EEA1: variants seen among roughly 807,000 people sequenced by gnomAD.
EEA1 encodes early endosome antigen 1.
In EEA1, 111 loss-of-function variants were observed where a neutral mutation model predicts 209.2. That is an observed-to-expected ratio of 0.53 (90% CI 0.45 to 0.62). The LOEUF is 0.62. Among genes scored for constraint, EEA1 ranks in the 20% least tolerant of loss-of-function variants. The pLI, the probability that EEA1 is intolerant of heterozygous loss-of-function variation, is 0.00. For synonymous variants in EEA1, 536 were observed against 540.6 expected, an observed-to-expected ratio of 0.99 and a Z score of 0.12; for missense variants, 1,343 against 1,530.8, an observed-to-expected ratio of 0.88 and a Z score of 2.05.
At chr12:92,853,097 A>C (rs1211669692) in intron 6 of EEA1, 72 bp from the exon 7 acceptor site, 2 of 999,936 alleles carry the variant, frequency 2.0e-6, no homozygotes, top group Non-Finnish European at 3.0e-6. Context: ...ACTTATATTT[A>C]TTACAGTTGT....
At chr12:92,818,739 T>C (rs1875912337) in intron 14 of EEA1, among the ~76,000 whole-genome samples, 1 of 152,192 alleles carries the variant, frequency 6.6e-6, no homozygotes, top group South Asian at 2.1e-4. Context: ...CAACTGTAAA[T>C]TCTTTTTTGT....
intron 1 of EEA1, among the ~76,000 whole-genome samples, chr12:92,924,918 C>A (rs12304532): frequency 1.3e-3 from 194 of 145,930 alleles, no homozygotes; most frequent in African/African-American, 4.7e-3. Context: ...AAATTCACTT[C>A]AATAAATTAG....
intron 1 of EEA1, among the ~76,000 whole-genome samples, chr12:92,923,486 T>C (rs1481472693): frequency 1.3e-5 from 2 of 152,214 alleles, no homozygotes; most frequent in Non-Finnish European, 2.9e-5. Context: ...AACTATATCA[T>C]GCTCTTGGAT....
Position 92,852,899 on chromosome 12 carries a change from T to G in EEA1, c.520+13A>C. The G allele has an allele frequency of 6.3e-7, 1 of 1,589,786 alleles. No homozygotes were observed. Among genetic ancestry groups the G allele is most frequent in the Non-Finnish European group, 8.6e-7 (1 of 1,161,888 alleles). ...GATTGATTTATTGGCTAAAAAATTC[T>G]AACTCAATTTACCTGCAATTTCAGT... On this transcript the variant is annotated intron_variant, in intron 7 of 28. Coordinates refer to ENST00000322349, the MANE Select transcript of EEA1 (RefSeq NM_003566.4).
At chr12:92,898,236 G>A (rs949734986) in intron 1 of EEA1, among the ~76,000 whole-genome samples, 1 of 152,170 alleles carries the variant, frequency 6.6e-6, no homozygotes, top group African/African-American at 2.4e-5. Flanking sequence ...ATTCTGGATA[G>A]AGTATTAACC....
At chr12:92,808,847 T>C (rs1875341972) in intron 18 of EEA1, among the ~76,000 whole-genome samples, 170 bp downstream of exon 18, 1 of 152,212 alleles carries the variant, frequency 6.6e-6, no homozygotes, top group Non-Finnish European at 1.5e-5. Flanking sequence ...AACCCTATTA[T>C]GATGGCTTTA....
intron 1 of EEA1, among the ~76,000 whole-genome samples, chr12:92,913,542 CTATTT>C (rs1193361208): frequency 3.6e-4 from 55 of 151,708 alleles, no homozygotes; most frequent in Non-Finnish European, 4.4e-5. Context: ...CATTTTTTTT[CTATTT>C]TTGTTTGTGT....
At chr12:92,853,872 A>C in intron 6 of EEA1, 43 bp downstream of exon 6, 2 of 1,559,492 alleles carry the variant, frequency 1.3e-6, no homozygotes. Context: ...ACAAATAAGA[A>C]GAAAAAGAAA....
At chr12:92,834,905 AGTCT>A (rs1483280933) in intron 10 of EEA1, among the ~76,000 whole-genome samples, 1 of 151,376 alleles carries the variant, frequency 6.6e-6, no homozygotes, top group Admixed American at 6.6e-5. Flanking sequence ...TTTTTGAGAC[AGTCT>A]CACTCTGTCG....
chr12:92,861,714 A>G lies in EEA1; in HGVS notation c.245+3146T>C, dbSNP rs191020179. ...CATAAGATACAGAGAGAAACAAAAG[A>G]TACAGAACAACGTAGAATTGCTATC... On this transcript the variant is annotated intron_variant, in intron 3 of 28. Transcript: ENST00000322349. Among the ~76,000 whole-genome samples the G allele has an allele frequency of 2.6e-3, 394 of 152,190 alleles. 3 individuals are homozygous for G. Among genetic ancestry groups the G allele is most frequent in the African/African-American group, 8.8e-3 (365 of 41,536 alleles).
At chr12:92,812,435 G>A (rs537048201) in intron 16 of EEA1, among the ~76,000 whole-genome samples, 3 of 151,892 alleles carry the variant, frequency 2.0e-5, no homozygotes, top group Non-Finnish European at 2.9e-5. Flanking sequence ...AACATTCACC[G>A]TGACCCTAAA....
At chr12:92,881,711 AAT>A (rs1377690651) in intron 2 of EEA1, among the ~76,000 whole-genome samples, 1 of 152,232 alleles carries the variant, frequency 6.6e-6, no homozygotes, top group Non-Finnish European at 1.5e-5. Context: ...GCCAGCTTGG[AAT>A]AGGATAAACA....
intron 1 of EEA1, among the ~76,000 whole-genome samples, chr12:92,906,722 G>C (rs1880400817): frequency 6.6e-6 from 1 of 152,100 alleles, no homozygotes; most frequent in East Asian, 1.9e-4. Context: ...GCTGAGGCAG[G>C]AGAATGGCAT....
rs150911605 is a variant in EEA1, at chr12:92,829,893, A to T, written c.1255-1832T>A. Among the ~76,000 whole-genome samples the T allele has an allele frequency of 5.9e-3, 891 of 152,116 alleles. 10 individuals carry two copies. The highest frequency in any genetic ancestry group is 0.02 in the African/African-American group (842 of 41,504). ...TCAGAGTCTATTAAAGAAAGACATA[A>T]ATTATGATAATAAACTATATTATGG... On this transcript the variant is annotated intron_variant, in intron 11 of 28. Coordinates refer to ENST00000322349, the MANE Select transcript of EEA1 (RefSeq NM_003566.4).
intron 23 of EEA1, among the ~76,000 whole-genome samples, chr12:92,781,365 C>T (rs889047480): frequency 6.6e-6 from 1 of 152,162 alleles, no homozygotes; most frequent in Non-Finnish European, 1.5e-5. Context: ...GGAATATACA[C>T]TGCAGAGTAA....
chr12:92,779,400 G>C (rs1259042970), intron 24 of EEA1, 100 bp from the exon 25 acceptor site: 1 of 1,064,752 alleles, frequency 9.4e-7, no homozygotes, highest in East Asian at 3.0e-5. Flanking sequence ...TCAAATATAG[G>C]TTTTACCCAC....
intron 1 of EEA1, among the ~76,000 whole-genome samples, chr12:92,909,151 GCAAAGACAA>G (rs1880490515): frequency 6.6e-6 from 1 of 152,120 alleles, no homozygotes; most frequent in Non-Finnish European, 1.5e-5. Flanking sequence ...AAGCTTAAAA[GCAAAGACAA>G]CCCAAAAGCA....
intron 1 of EEA1, among the ~76,000 whole-genome samples, chr12:92,892,193 C>A (rs953822638): frequency 2.6e-5 from 4 of 152,044 alleles, no homozygotes; most frequent in Non-Finnish European, 4.4e-5. Context: ...CAGGCTCAAG[C>A]GATCCTCCTA....
intron 1 of EEA1, among the ~76,000 whole-genome samples, chr12:92,895,748 CAG>C (rs1308508809): frequency 6.6e-6 from 1 of 152,052 alleles, no homozygotes; most frequent in Non-Finnish European, 1.5e-5. Flanking sequence ...CAGATCTGGG[CAG>C]AGTGTGTGGA....
Sources: allele counts gnomAD v4.1 joint callset (sites outside exome capture counted in the v4.1 genomes callset), GRCh38; gene constraint gnomAD v4.1.1; transcripts MANE v1.5; gene names NCBI Gene and HGNC (gene_info 2026-07-23, HGNC 2026-07-21).